Variants in CHD1L observed in about 807,000 individuals in gnomAD.
CHD1L encodes ATP-dependent chromatin remodeler CHD1L.
Under a neutral mutation model 115.9 loss-of-function variants are expected in CHD1L, and 118 were observed. That is an observed-to-expected ratio of 1.02 (90% CI 0.88 to 1.19). The LOEUF is 1.19. Ranked by LOEUF, CHD1L falls within the 50% of genes most tolerant of loss-of-function variation. The probability of loss-of-function intolerance (pLI) is 0.00; values close to 1 mark genes in which losing one functional copy is unlikely to be tolerated. For missense variants in CHD1L, 1,179 were observed against 1,065.3 expected (o/e 1.11, Z -1.49); for synonymous variants, 411 against 387.1 (o/e 1.06, Z -0.72).
the CHD1L span, chr1:147,225,098 C>T: frequency 1.9e-6 from 3 of 1,609,050 alleles, no homozygotes; most frequent in Non-Finnish European, 8.5e-7. Context: ...ACAAAAAGCA[C>T]ACATCGGTTA....
intron 5 of CHD1L, 65 bp from the exon 6 acceptor site, chr1:147,259,772 G>C (rs1671296072): frequency 7.3e-7 from 1 of 1,372,030 alleles, no homozygotes; most frequent in Non-Finnish European, 1.0e-6. Flanking sequence ...TTTGTAGTAA[G>C]ACTTTTGATT....
the CHD1L span, among the ~76,000 whole-genome samples, chr1:147,192,715 G>C: frequency 2.0e-5 from 3 of 152,056 alleles, no homozygotes; most frequent in Non-Finnish European, 2.9e-5. Context: ...AGAGTTTTTA[G>C]CATGAAGTGT....
At chr1:147,245,474 G>T (rs1415844280) in intron 1 of CHD1L, among the ~76,000 whole-genome samples, 3 of 152,112 alleles carry the variant, frequency 2.0e-5, no homozygotes, top group African/African-American at 7.2e-5. Context: ...CTTCCTTGGT[G>T]TGTCCATACT....
upstream of CHD1L, chr1:147,242,574 GCAGGA>G: frequency 8.2e-6 from 8 of 974,108 alleles, no homozygotes; most frequent in Non-Finnish European, 1.1e-5. Context: ...GGATATCTTG[GCAGGA>G]CGCGCCCTCT....
the CHD1L span, chr1:147,179,533 G>A: frequency 1.6e-5 from 25 of 1,586,490 alleles, no homozygotes; most frequent in Admixed American, 3.3e-5. Context: ...CATGAATTAA[G>A]TGATTTTATT....
At chr1:147,184,626 T>G in the CHD1L span, 1 of 1,540,826 alleles carries the variant, frequency 6.5e-7, no homozygotes, top group Non-Finnish European at 8.7e-7. This position sits in a 1 kb window ranked among gnomAD's most constrained non-coding sequence, Gnocchi z 4.4. Flanking sequence ...TTTCTCATGG[T>G]TAGACTGCAT....
At chr1:147,179,755 G>A in the CHD1L span, 1 of 625,664 alleles carries the variant, frequency 1.6e-6, no homozygotes, top group South Asian at 1.9e-5. Context: ...GATATAATCT[G>A]AATCCTGTTA....
the CHD1L span, among the ~76,000 whole-genome samples, chr1:147,196,374 G>C: frequency 1.2e-4 from 18 of 152,104 alleles, no homozygotes; most frequent in African/African-American, 4.1e-4. Context: ...TAAGCGTTTT[G>C]AGAGTCAATT....
At chr1:147,233,501 G>A in the CHD1L span, among the ~76,000 whole-genome samples, 11 of 148,910 alleles carry the variant, frequency 7.4e-5, no homozygotes, top group African/African-American at 7.5e-5. Context: ...CCGGCCAGCC[G>A]CCCCATCCGG....
chr1:147,249,281 G>T (rs1364786400), intron 1 of CHD1L, among the ~76,000 whole-genome samples: 1 of 151,526 alleles, frequency 6.6e-6, no homozygotes, highest in Non-Finnish European at 1.5e-5. Flanking sequence ...CAAGAAATCT[G>T]CTTGCATTTG....
chr1:147,265,433 G>T (rs1194253156), intron 7 of CHD1L, among the ~76,000 whole-genome samples: 5 of 152,142 alleles, frequency 3.3e-5, no homozygotes. Context: ...AATCCTACAG[G>T]TAGTATAATT....
the CHD1L span, among the ~76,000 whole-genome samples, chr1:147,184,154 C>T: frequency 6.0e-4 from 91 of 152,240 alleles, no homozygotes; most frequent in African/African-American, 2.1e-3. This position sits in a 1 kb window ranked among gnomAD's most constrained non-coding sequence, Gnocchi z 4.4. Context: ...AGCCAGTATT[C>T]CTCCTCTGAG....
At chr1:147,284,561 A>AAAC in intron 16 of CHD1L, 62 bp downstream of exon 16, 4 of 775,258 alleles carry the variant, frequency 5.2e-6, no homozygotes, top group Non-Finnish European at 7.6e-6. Flanking sequence ...AACAAACAAA[A>AAAC]AAATGATGCT....
chr1:147,227,911 T>G, the CHD1L span, among the ~76,000 whole-genome samples: 6 of 152,168 alleles, frequency 3.9e-5, no homozygotes, highest in African/African-American at 1.4e-4. Context: ...CAGTCTCTTT[T>G]GGAGGCCCCC....
chr1:147,225,790 C>T, the CHD1L span: 1 of 152,220 alleles, frequency 6.6e-6, no homozygotes, highest in Non-Finnish European at 1.5e-5. Context: ...ACTCCTCAGA[C>T]ACCGAATTAA....
chr1:147,188,102 G>C, the CHD1L span, among the ~76,000 whole-genome samples: 1 of 152,126 alleles, frequency 6.6e-6, no homozygotes, highest in Non-Finnish European at 1.5e-5. Context: ...ATTGAAATGG[G>C]ACTAGATTTA....
chr1:147,198,425 G>A, the CHD1L span, among the ~76,000 whole-genome samples: 12 of 152,240 alleles, frequency 7.9e-5, no homozygotes, highest in Admixed American at 5.9e-4. Context: ...AGTAAAAGGA[G>A]GGCATATCAA....
At chr1:147,192,764 G>C in the CHD1L span, among the ~76,000 whole-genome samples, 1 of 152,142 alleles carries the variant, frequency 6.6e-6, no homozygotes, top group Non-Finnish European at 1.5e-5. Context: ...CATCTATTGA[G>C]ATAATCATGT....
chr1:147,246,512 A>G (rs936465602), intron 1 of CHD1L, among the ~76,000 whole-genome samples: 8 of 152,190 alleles, frequency 5.3e-5, no homozygotes, highest in Non-Finnish European at 1.0e-4. Flanking sequence ...ACTATTTTAC[A>G]TTCCCACCAG....
Sources: allele counts gnomAD v4.1 joint callset (sites outside exome capture counted in the v4.1 genomes callset), GRCh38; gene constraint gnomAD v4.1.1; non-coding constraint Gnocchi (gnomAD v3.1); transcripts MANE v1.5; gene names NCBI Gene and HGNC (gene_info 2026-07-23, HGNC 2026-07-21).